Variants in ABCA10 observed in about 807,000 individuals in gnomAD.
ABCA10 encodes the protein ATP-binding cassette sub-family A member 10.
In ABCA10, 169 loss-of-function variants were observed where a neutral mutation model predicts 187.5. The ratio of observed to expected loss-of-function variants is 0.90; its 90% CI spans 0.80 to 1.02. The LOEUF is 1.02. Among genes scored for constraint, ABCA10 ranks in the 50% least tolerant of loss-of-function variants. The pLI is 0.00. For missense variants in ABCA10, 1,727 were observed against 1,812.4 expected, an observed-to-expected ratio of 0.95 and a Z score of 0.86; for synonymous variants, 574 against 601.8, an observed-to-expected ratio of 0.95 and a Z score of 0.68.
In ABCA10 at chr17:69,174,681, G is replaced by C; in HGVS notation, c.2974C>G (p.Leu992Val). 1 of 1,611,838 alleles carries C rather than the reference G, an allele frequency of 6.2e-7. No homozygotes were observed. The highest frequency in any genetic ancestry group is 8.5e-7 in the Non-Finnish European group (1 of 1,178,414). ...TAGTAAATTAAATGTATTGAAAAGA[G>C]AATCAAGAAGTATAATGGAATGTCC... ...LVDIPLYFLI[L>V]FSIHLIYYFI... The change falls in exon 24 of 39, where the codon CTC (leucine) becomes GTC (valine). Residue 992 changes from leucine to valine, a missense_variant. Coordinates refer to ENST00000690296, the MANE Select transcript of ABCA10 (RefSeq NM_001377321.1).
In ABCA10 at chr17:69,193,637, C is replaced by T. The variant is rs183420349; in HGVS notation, c.1522-25G>A. 5 of 1,579,082 alleles carry T rather than the reference C, an allele frequency of 3.2e-6. No individual in the cohort carries two copies. The Admixed American group carries it at 5.5e-5, about 17-fold the overall frequency. ...CCTATCAAAGAAAACTCTGTGTTAA[C>T]AATATCAAATATTTTACTTTAAGGA... On this transcript the variant is annotated intron_variant, in intron 13 of 38. Coordinates refer to ENST00000690296, the MANE Select transcript of ABCA10 (RefSeq NM_001377321.1).
chr17:69,232,489 TA>T (rs1019872704), upstream of ABCA10, among the ~76,000 whole-genome samples: 1 of 152,040 alleles, frequency 6.6e-6, no homozygotes, highest in Non-Finnish European at 1.5e-5. Flanking sequence ...AAAGGAAAAA[TA>T]AAAAAACTGT....
chr17:69,213,207 G>A (rs540121801), intron 9 of ABCA10, among the ~76,000 whole-genome samples: 65 of 152,250 alleles, frequency 4.3e-4, no homozygotes, highest in Middle Eastern at 3.4e-3. Context: ...CTGCTGTAGC[G>A]CCCTACAGTG....
At chr17:69,149,242 T>G (rs1021691252) in intron 37 of ABCA10, 154 bp from the exon 38 acceptor site, 1 of 775,272 alleles carries the variant, frequency 1.3e-6, no homozygotes, top group Non-Finnish European at 2.0e-6. Context: ...AGAGTGGTGA[T>G]ATGGCTAATA....
intron 25 of ABCA10, 29 bp downstream of exon 25, chr17:69,174,252 T>C (rs776576029): frequency 6.9e-7 from 1 of 1,451,358 alleles, no homozygotes; most frequent in South Asian, 1.3e-5. Flanking sequence ...AAATTTAATA[T>C]AAATGTGCAC....
intron 5 of ABCA10, among the ~76,000 whole-genome samples, chr17:69,221,069 A>C (rs1460162614): frequency 6.6e-6 from 1 of 152,192 alleles, no homozygotes; most frequent in Admixed American, 6.5e-5. Context: ...GAGATGCCTG[A>C]GATAGAACTT....
At position 69,225,384 on chromosome 17, in the gene ABCA10, G is replaced by A. The variant is rs750629574; in HGVS notation, c.-26C>T. 1.2e-6 allele frequency: 2 copies of A among 1,612,008 alleles called. No homozygotes were observed. Among genetic ancestry groups the A allele is most frequent in the African/African-American group, 2.7e-5 (2 of 74,790 alleles). ...TATCCTTTGTGTTATGTTACTGACT[G>A]GTGTATATGCCACTACCAGGCCAGA... On this transcript the variant is annotated 5_prime_UTR_variant, in exon 3 of 39. Coordinates refer to ENST00000690296, the MANE Select transcript of ABCA10 (RefSeq NM_001377321.1).
At chr17:69,197,415 G>A (rs554884485) in intron 10 of ABCA10, among the ~76,000 whole-genome samples, 5 of 151,782 alleles carry the variant, frequency 3.3e-5, no homozygotes, top group East Asian at 1.9e-4. Flanking sequence ...GGAAGGGAGC[G>A]AAAGAAAAAA....
At chr17:69,197,155 G>A in intron 10 of ABCA10, 33 bp from the exon 11 acceptor site, 1 of 1,471,832 alleles carries the variant, frequency 6.8e-7, no homozygotes, top group Non-Finnish European at 9.5e-7. Context: ...TCATGTAAAT[G>A]CATTTTCTAG....
At chr17:69,211,292 CA>C (rs1568070106) in intron 9 of ABCA10, among the ~76,000 whole-genome samples, 3 of 59,152 alleles carry the variant, frequency 5.1e-5, no homozygotes, top group South Asian at 5.4e-4. Context: ...ATATATATAT[CA>C]TATATATACA....
At chr17:69,160,102 A>G (rs1205951021) in intron 27 of ABCA10, among the ~76,000 whole-genome samples, 1 of 152,200 alleles carries the variant, frequency 6.6e-6, no homozygotes, top group Non-Finnish European at 1.5e-5. Context: ...CTAAAAACAC[A>G]AACAACAAAA....
upstream of ABCA10, among the ~76,000 whole-genome samples, chr17:69,230,378 T>C (rs1243888570): frequency 6.6e-6 from 1 of 152,020 alleles, no homozygotes; most frequent in African/African-American, 2.4e-5. Context: ...CAGTTGGGAG[T>C]CTGAGACCTG....
Position 69,156,930 on chromosome 17 carries a change from G to T in ABCA10, c.3364-7C>A, listed in dbSNP as rs373828357. ...TAACACTCTGAAGGTATGGCTAAAA[G>T]AAAAGAAAAATAATCAGAATTAGCA... On this transcript the variant is annotated splice_polypyrimidine_tract_variant and splice_region_variant and intron_variant, in intron 27 of 38. Coordinates refer to ENST00000690296, the MANE Select transcript of ABCA10 (RefSeq NM_001377321.1). The T allele has an allele frequency of 5.4e-5, 83 of 1,531,108 alleles. 1 individual carries two copies. The highest frequency in any genetic ancestry group is 6.9e-5 in the Non-Finnish European group (78 of 1,127,488). The allele number at this position is 1,531,108 out of a possible 1,614,324, so 94.8% of individuals were successfully genotyped here.
In ABCA10 at chr17:69,187,603, TTAATA is replaced by T; in HGVS notation, c.2330+73_2330+77del. ...AAAAACTGTTAAATGAATGAATAAA[TTAATA>T]TATTTACTTTCTTAATATTTGAATG... On this transcript the variant is annotated intron_variant, in intron 19 of 38. Coordinates refer to ENST00000690296, the MANE Select transcript of ABCA10 (RefSeq NM_001377321.1). 12 of 1,391,734 alleles carry T rather than the reference TTAATA, an allele frequency of 8.6e-6. No homozygotes were observed. In the South Asian group the frequency reaches 1.0e-4, roughly 12 times the overall value. The allele number at this position is 1,391,734 out of a possible 1,614,324, so 86.2% of individuals were successfully genotyped here. A position where few individuals can be genotyped will look rare whatever the true frequency, so the allele number is the denominator to read the frequency against.
At chr17:69,206,164 A>G (rs1013287722) in intron 9 of ABCA10, among the ~76,000 whole-genome samples, 6 of 152,224 alleles carry the variant, frequency 3.9e-5, no homozygotes, top group African/African-American at 1.4e-4. Context: ...AGAAACTTAC[A>G]TTAAATTTAG....
chr17:69,177,418 G>T (rs1038900670), intron 22 of ABCA10, among the ~76,000 whole-genome samples: 3 of 152,008 alleles, frequency 2.0e-5, no homozygotes, highest in Non-Finnish European at 4.4e-5. Flanking sequence ...TCCTTGACTG[G>T]CATTTGAATA....
chr17:69,214,153 C>T (rs903752393), intron 9 of ABCA10, among the ~76,000 whole-genome samples: 42 of 152,338 alleles, frequency 2.8e-4, no homozygotes, highest in Non-Finnish European at 2.9e-5. Flanking sequence ...GACACACATA[C>T]ATCCTACCTT....
intron 3 of ABCA10, among the ~76,000 whole-genome samples, chr17:69,223,469 T>A (rs73998213): frequency 0.11 from 17,389 of 152,204 alleles, 1,100 homozygotes; most frequent in Admixed American, 0.2. Context: ...GTTTAATAGA[T>A]CTATTACTAA....
chr17:69,162,594 T>C (rs2074224950), intron 27 of ABCA10, among the ~76,000 whole-genome samples: 1 of 152,156 alleles, frequency 6.6e-6, no homozygotes, highest in Admixed American at 6.6e-5. Context: ...CCACCTACAG[T>C]TCTGATTTGG....
Sources: allele counts gnomAD v4.1 joint callset (sites outside exome capture counted in the v4.1 genomes callset), GRCh38; gene constraint gnomAD v4.1.1; transcripts MANE v1.5; gene names NCBI Gene and HGNC (gene_info 2026-07-23, HGNC 2026-07-21).